Variants in UMOD observed in about 807,000 individuals in gnomAD.
The protein encoded by UMOD is uromodulin, also known as Tamm-Horsfall urinary glycoprotein.
UMOD carries 64 observed loss-of-function variants against 66.0 expected under a neutral mutation model. That is an observed-to-expected ratio of 0.97 (90% CI 0.79 to 1.19). The LOEUF is 1.19. Among genes scored for constraint, UMOD ranks in the 50% most tolerant of loss-of-function variants. The pLI is 0.00. For synonymous variants in UMOD, 398 were observed against 352.7 expected, an observed-to-expected ratio of 1.13 and a Z score of -1.44; for missense variants, 764 against 850.9, an observed-to-expected ratio of 0.90 and a Z score of 1.27.
intron 7 of UMOD, among the ~76,000 whole-genome samples, chr16:20,338,493 C>A (rs1567301298): frequency 6.6e-6 from 1 of 152,092 alleles, no homozygotes; most frequent in Non-Finnish European, 1.5e-5. Context: ...CCCTGCTGTA[C>A]TTTTATTTTA....
chr16:20,354,254 G>A (rs543955947), upstream of UMOD, among the ~76,000 whole-genome samples: 1 of 152,294 alleles, frequency 6.6e-6, no homozygotes, highest in East Asian at 1.9e-4. Flanking sequence ...GGTAACCACT[G>A]GCACTGGTGT....
Position 20,337,432 on chromosome 16 carries a change from T to A in UMOD, c.1599A>T (p.Ser533=). 6.2e-7 allele frequency: 1 copy of A among 1,614,186 alleles called. No homozygotes were observed. The highest frequency in any genetic ancestry group is 1.1e-5 in the South Asian group (1 of 91,078). The part of the protein sequence containing the change: ...IQDRCPHTRD[S]TIQVVENGES... Reference sequence around the variant, plus strand: ...CCCCATTCTCCACCACTTGGATAGTTGAGTCTCTAGTGTGTGGGCATCTGG... The same window carrying A: ...CCCCATTCTCCACCACTTGGATAGTAGAGTCTCTAGTGTGTGGGCATCTGG... The change falls in exon 8 of 11, where the codon TCA becomes TCT. Residue 533 remains serine, a synonymous_variant. Transcript: ENST00000396138.
intron 1 of UMOD, chr16:20,352,450 T>G: frequency 2.6e-6 from 1 of 377,486 alleles, no homozygotes; most frequent in South Asian, 1.5e-4. Context: ...TGGCACATAA[T>G]AGGTGCATAA....
intron 4 of UMOD, among the ~76,000 whole-genome samples, chr16:20,347,560 T>C (rs919887419): frequency 2.0e-5 from 3 of 152,222 alleles, no homozygotes; most frequent in African/African-American, 4.8e-5. Context: ...AAGGTAAGCA[T>C]AACTTGCCAC....
At chr16:20,335,087 A>G (rs1228741308) in intron 10 of UMOD, among the ~76,000 whole-genome samples, 3 of 152,144 alleles carry the variant, frequency 2.0e-5, no homozygotes, top group African/African-American at 7.2e-5. Flanking sequence ...CAGCCTCCCC[A>G]AGTGCTGGGA....
chr16:20,349,581 G>T (rs1035227319), intron 2 of UMOD: 45 of 1,272,974 alleles, frequency 3.5e-5, no homozygotes, highest in Non-Finnish European at 4.3e-5. Flanking sequence ...TTCCCAAAAA[G>T]TTGGGACCAC....
intron 7 of UMOD, among the ~76,000 whole-genome samples, chr16:20,337,782 C>T (rs1242623554): frequency 6.6e-6 from 1 of 152,142 alleles, no homozygotes; most frequent in Non-Finnish European, 1.5e-5. Flanking sequence ...TCCTGATTTC[C>T]CAGCAATGAC....
At position 20,341,169 on chromosome 16, in the gene UMOD, G is replaced by A. The variant is rs757726975; in HGVS notation, c.1499C>T (p.Ala500Val). Residue 500 changes from alanine to valine, a missense_variant, in exon 7 of 11, where the codon GCA becomes GTA. Physicochemically the swap from Ala to Val is moderately conservative, Grantham distance 64 (BLOSUM62 0). Coordinates refer to ENST00000396138, the MANE Select transcript of UMOD (RefSeq NM_003361.4). ...MLDGGDLSRF[A>V]LLMTNCYATP... ...GGCATAGCAGTTGGTCATGAGCAGT[G>A]CAAATCGGGACAGGTCGCCCCCATC... is the stretch of plus-strand genomic sequence containing the variant. 6 of 1,614,076 alleles carry A rather than the reference G, an allele frequency of 3.7e-6. No individual in the cohort carries two copies. The East Asian group carries it at 6.7e-5, about 18-fold the overall frequency.
chr16:20,333,305 C>G lies in UMOD; in HGVS notation c.*9G>C. On this transcript the variant is annotated 3_prime_UTR_variant, in exon 11 of 11. Transcript: ENST00000396138. ...GGCAGCCATGGAGCACAGGGCTTTC[C>G]GCTGTCAGTCACTGAAAAGTCAGGG... The G allele has an allele frequency of 6.2e-7, 1 of 1,612,452 alleles. No homozygotes were observed. Among genetic ancestry groups the G allele is most frequent in the Non-Finnish European group, 8.5e-7 (1 of 1,179,440 alleles).
In UMOD at chr16:20,349,042, G is replaced by C. The variant is rs374642516; in HGVS notation, c.259C>G (p.Pro87Ala). Residue 87 changes from proline to alanine, a missense_variant, in exon 3 of 11, where the codon CCA (proline) becomes GCA (alanine). Transcript: ENST00000396138. ...CSANSSCVNT[P>A]GSFSCVCPEG... ...GGGCAGACGCAGGAGAAGGAGCCTG[G>C]CGTGTTTACGCAGCTGCTGTTGGCG... is the stretch of plus-strand genomic sequence containing the variant. 41 of 1,601,304 alleles carry C rather than the reference G, an allele frequency of 2.6e-5. No individual in the cohort carries two copies. Among genetic ancestry groups the C allele is most frequent in the Non-Finnish European group, 3.5e-5 (41 of 1,174,078 alleles).
At chr16:20,344,726 G>A (rs1027727080) in intron 5 of UMOD, among the ~76,000 whole-genome samples, 2 of 151,862 alleles carry the variant, frequency 1.3e-5, no homozygotes, top group South Asian at 2.1e-4. Flanking sequence ...CCATTCATGC[G>A]CATATGTCAT....
At position 20,345,459 on chromosome 16, in the gene UMOD, TTTCC is replaced by T. The variant is rs1299673491; in HGVS notation, c.1182+663_1182+666del. 6.5e-3 allele frequency among the ~76,000 whole-genome samples: 609 copies of T among 93,450 alleles called. 3 individuals are homozygous for T. The highest frequency in any genetic ancestry group is 0.024 in the South Asian group (62 of 2,588). The allele number at this position is 93,450 out of a possible 152,430, so 61.3% of individuals were successfully genotyped here. A position where few individuals can be genotyped will look rare whatever the true frequency, so the allele number is the denominator to read the frequency against. On this transcript the variant is annotated intron_variant, in intron 5 of 10. Coordinates refer to ENST00000396138, the MANE Select transcript of UMOD (RefSeq NM_003361.4). ...CTTTCTTTCTTCCTTTCTTCCTTTC[TTTCC>T]TTCCTTCCTTCCTTCCTTCCCTCCC...
chr16:20,340,160 TA>T (rs1596544935), intron 7 of UMOD, among the ~76,000 whole-genome samples: 1 of 152,332 alleles, frequency 6.6e-6, no homozygotes, highest in East Asian at 1.9e-4. Flanking sequence ...ATAAAATATT[TA>T]AAAGATTATA....
At chr16:20,341,817 A>G (rs1489988784) in intron 6 of UMOD, among the ~76,000 whole-genome samples, 1 of 152,256 alleles carries the variant, frequency 6.6e-6, no homozygotes, top group Non-Finnish European at 1.5e-5. Context: ...CCTGGCCTCC[A>G]TCGTGATGTA....
chr16:20,344,203 T>TGGGGGGGG, intron 5 of UMOD, 31 bp from the exon 6 acceptor site: 16 of 604,028 alleles, frequency 2.6e-5, no homozygotes, highest in East Asian at 4.5e-5. Flanking sequence ...GGAGGGGGGG[T>TGGGGGGGG]GGGGATGAGA....
chr16:20,348,805 C>T lies in UMOD; in HGVS notation c.496G>A (p.Asp166Asn). The T allele has an allele frequency of 1.9e-6, 3 of 1,544,934 alleles. No individual in the cohort carries two copies. The highest frequency in any genetic ancestry group is 1.7e-6 in the Non-Finnish European group (2 of 1,146,364). Residue 166 changes from aspartate to asparagine, a missense_variant, in exon 3 of 11, where the codon GAC becomes AAC. By Grantham distance (23) the Asp-to-Asn change is conservative. Transcript: ENST00000396138. ...GPGLDCVPEG[D>N]ALVCADPCQA... ...CACGGATCCGCGCACACGAGCGCGT[C>T]GCCCTCGGGCACGCAGTCCAACCCC...
At position 20,348,476 on chromosome 16, in the gene UMOD, G is replaced by A; in HGVS notation, c.825C>T (p.Asn275=). The A allele has an allele frequency of 6.2e-7, 1 of 1,612,710 alleles. No homozygotes were observed. The highest frequency in any genetic ancestry group is 8.5e-7 in the Non-Finnish European group (1 of 1,179,922). The part of the protein sequence containing the change: ...KACAGGYYVY[N]LTAPPECHLA... ...GGTGACACTCGGGGGGCGCTGTCAG[G>A]TTGTAGACGTAGTAGCCGCCGGCAC... Residue 275 remains asparagine (N), a synonymous_variant, in exon 3 of 11, where the codon AAC becomes AAT. Transcript: ENST00000396138.
Position 20,348,431 on chromosome 16 carries a change from C to G in UMOD, c.865+5G>C, listed in dbSNP as rs963858389. The G allele has an allele frequency of 6.2e-7, 1 of 1,613,986 alleles. No individual in the cohort carries two copies. The highest frequency in any genetic ancestry group is 1.7e-5 in the Admixed American group (1 of 60,030). On this transcript the variant is annotated splice_donor_5th_base_variant and intron_variant, in intron 3 of 10. Coordinates refer to ENST00000396138, the MANE Select transcript of UMOD (RefSeq NM_003361.4). The stretch of plus-strand genomic sequence containing the variant: ...GATGAGGACTGTGGGGAGACTCCGG[C>G]TGACCTGTGCAGTACGCCAGGTGAC...
intron 1 of UMOD, 33 bp from the exon 2 acceptor site, chr16:20,350,872 A>G: frequency 2.6e-6 from 4 of 1,531,444 alleles, no homozygotes; most frequent in Non-Finnish European, 3.5e-6. Flanking sequence ...CAAATGCATG[A>G]TCTAACTCTC....
Sources: allele counts gnomAD v4.1 joint callset (sites outside exome capture counted in the v4.1 genomes callset), GRCh38; gene constraint gnomAD v4.1.1; transcripts MANE v1.5; gene names NCBI Gene and HGNC (gene_info 2026-07-23, HGNC 2026-07-21).